NIM1K: variants seen among roughly 807,000 people sequenced by gnomAD.
NIM1K encodes NIM1 serine/threonine protein kinase.
A neutral mutation model predicts 37.1 loss-of-function variants in NIM1K; 35 were observed. That is an observed-to-expected ratio of 0.94 (90% CI 0.72 to 1.25). The LOEUF (loss-of-function observed/expected upper bound fraction) is 1.25. Among genes scored for constraint, NIM1K ranks in the 50% most tolerant of loss-of-function variants. NIM1K has a pLI of 0.00. For missense variants in NIM1K, 564 were observed against 548.0 expected, an observed-to-expected ratio of 1.03 and a Z score of -0.29; for synonymous variants, 234 against 206.6, an observed-to-expected ratio of 1.13 and a Z score of -1.14.
intron 1 of NIM1K, among the ~76,000 whole-genome samples, chr5:43,194,347 C>A (rs558065504): frequency 2.0e-5 from 3 of 152,298 alleles, no homozygotes; most frequent in South Asian, 2.1e-4. Context: ...GCCTAGTAAA[C>A]CCTCATGGGT....
chr5:43,249,827 G>C (rs900409941), intron 2 of NIM1K, among the ~76,000 whole-genome samples: 3 of 148,604 alleles, frequency 2.0e-5, no homozygotes, highest in African/African-American at 7.4e-5. Flanking sequence ...CTACATCCTA[G>C]TTGACATTTT....
At chr5:43,276,414 C>A (rs1561096557) in intron 2 of NIM1K, among the ~76,000 whole-genome samples, 1 of 152,320 alleles carries the variant, frequency 6.6e-6, no homozygotes, top group East Asian at 1.9e-4. Flanking sequence ...GAACTCAGAG[C>A]GAGAGCTCAC....
At chr5:43,232,457 G>T in intron 1 of NIM1K, 1 of 1,492,874 alleles carries the variant, frequency 6.7e-7, no homozygotes, top group Non-Finnish European at 9.3e-7. Context: ...CAGGGAAGCA[G>T]TGATGGAGGA....
chr5:43,278,764 C>A lies in NIM1K; in HGVS notation c.562-1216C>A, dbSNP rs553866808. 2.0e-5 allele frequency among the ~76,000 whole-genome samples: 3 copies of A among 152,178 alleles called. No individual in the cohort carries two copies. The East Asian group carries it at 5.8e-4, about 29-fold the overall frequency. On this transcript the variant is annotated intron_variant, in intron 3 of 3. Coordinates refer to ENST00000326035, the MANE Select transcript of NIM1K (RefSeq NM_153361.4). ...AATGGGGCAAAAGAGGGAGAATTTG[C>A]AAGGGAATCTGTGGCCTAGAGGGCC... is the stretch of plus-strand genomic sequence containing the variant.
At chr5:43,263,986 C>T (rs887454482) in intron 2 of NIM1K, among the ~76,000 whole-genome samples, 1 of 152,098 alleles carries the variant, frequency 6.6e-6, no homozygotes, top group Non-Finnish European at 1.5e-5. Flanking sequence ...GTCTGAGAGA[C>T]AGTTTGTTAT....
chr5:43,260,817 G>A (rs982418710), intron 2 of NIM1K, among the ~76,000 whole-genome samples: 1 of 152,038 alleles, frequency 6.6e-6, no homozygotes, highest in Non-Finnish European at 1.5e-5. Flanking sequence ...GTGTCCAGGT[G>A]TTCTCATTGT....
At chr5:43,208,613 A>G (rs928288634) in intron 1 of NIM1K, among the ~76,000 whole-genome samples, 2 of 152,154 alleles carry the variant, frequency 1.3e-5, no homozygotes, top group African/African-American at 4.8e-5. Context: ...AAAAAAAGAA[A>G]AAAAAAAGAA....
At position 43,205,781 on chromosome 5, in the gene NIM1K, T is replaced by C. The variant is rs575398310; in HGVS notation, c.-695+13370T>C. Among the ~76,000 whole-genome samples the C allele has an allele frequency of 8.5e-5, 13 of 152,284 alleles. No homozygotes were observed. In the East Asian group the frequency reaches 9.6e-4, roughly 11 times the overall value. ...AGGCTGGAGTGTAGTCTTGCGATCT[T>C]GGCTCACTGCAAGCTCCACCTCCCG... On this transcript the variant is annotated intron_variant, in intron 1 of 3. Transcript: ENST00000326035.
At chr5:43,202,244 C>CA (rs1204408867) in intron 1 of NIM1K, among the ~76,000 whole-genome samples, 3 of 152,016 alleles carry the variant, frequency 2.0e-5, no homozygotes, top group Admixed American at 6.6e-5. Context: ...AGTGCAATGG[C>CA]ATGGGCATAA....
chr5:43,239,809 G>A (rs1752672041), intron 1 of NIM1K, among the ~76,000 whole-genome samples: 2 of 151,962 alleles, frequency 1.3e-5, no homozygotes, highest in Non-Finnish European at 2.9e-5. Flanking sequence ...TTATCCTCAT[G>A]GGTTTGTAAC....
rs554994317 is a variant in NIM1K at position 43,221,972 on chromosome 5, T to G, written c.-694-23110T>G. On this transcript the variant is annotated intron_variant, in intron 1 of 3. Transcript: ENST00000326035. ...TAGTAGATGCTCAGTAAATGTTGAA[T>G]AAACGGATGAAGCATTCTGTGGTTA... 4.6e-5 allele frequency among the ~76,000 whole-genome samples: 7 copies of G among 152,330 alleles called. No individual in the cohort carries two copies. In the East Asian group the frequency reaches 1.3e-3, roughly 29 times the overall value.
intron 1 of NIM1K, among the ~76,000 whole-genome samples, chr5:43,236,471 A>C (rs1323189326): frequency 6.6e-6 from 1 of 152,192 alleles, no homozygotes; most frequent in Non-Finnish European, 1.5e-5. Context: ...AAACTAAAAA[A>C]TAAAAAATTG....
chr5:43,207,524 G>T (rs1752135104), intron 1 of NIM1K: 1 of 715,558 alleles, frequency 1.4e-6, no homozygotes, highest in Admixed American at 1.8e-5. Flanking sequence ...TTTAACAGCT[G>T]TTCCAATCTC....
chr5:43,238,948 A>C (rs1752658327), intron 1 of NIM1K, among the ~76,000 whole-genome samples: 2 of 102,878 alleles, frequency 1.9e-5, no homozygotes, highest in Non-Finnish European at 1.8e-5. Context: ...TTGAGGAGGG[A>C]AAGGCTGGCG....
At chr5:43,258,992 A>G (rs946144952) in intron 2 of NIM1K, among the ~76,000 whole-genome samples, 3 of 146,344 alleles carry the variant, frequency 2.0e-5, no homozygotes, top group African/African-American at 7.7e-5. Context: ...TCTCATTTCT[A>G]AGTAAGAACA....
chr5:43,251,069 T>G (rs780961195), intron 2 of NIM1K, among the ~76,000 whole-genome samples: 6 of 152,202 alleles, frequency 3.9e-5, no homozygotes, highest in Non-Finnish European at 7.3e-5. Context: ...GTACATGACA[T>G]ATAGTAACCA....
At chr5:43,235,844 T>C (rs1752613448) in intron 1 of NIM1K, among the ~76,000 whole-genome samples, 1 of 150,438 alleles carries the variant, frequency 6.6e-6, no homozygotes, top group Non-Finnish European at 1.5e-5. Context: ...TCCCTCCCCA[T>C]CTTTTTTTTT....
chr5:43,209,502 C>T (rs1377074411), intron 1 of NIM1K, among the ~76,000 whole-genome samples: 1 of 151,630 alleles, frequency 6.6e-6, no homozygotes, highest in South Asian at 2.1e-4. Context: ...CTTCATAGAA[C>T]AGTTGTTTGT....
chr5:43,212,775 G>C (rs138037848), intron 1 of NIM1K, among the ~76,000 whole-genome samples: 1 of 152,308 alleles, frequency 6.6e-6, no homozygotes, highest in Non-Finnish European at 1.5e-5. Flanking sequence ...GAATGTTCTA[G>C]AGCACCAAAG....
Sources: gnomAD v4.1 joint callset for allele counts (sites outside exome capture counted in the v4.1 genomes callset) on GRCh38, gnomAD v4.1.1 for gene constraint, MANE v1.5 for transcripts, NCBI Gene and HGNC (gene_info 2026-07-23, HGNC 2026-07-21) for gene names.